The following TGFBR3 variants were observed in gnomAD, a reference collection of about 807,000 sequenced individuals.
TGFBR3 encodes the protein transforming growth factor beta receptor 3.
Under a neutral mutation model 87.9 loss-of-function variants are expected in TGFBR3, and 46 were observed. The observed-to-expected ratio is 0.52, with a 90% CI of 0.41 to 0.67. The LOEUF (loss-of-function observed/expected upper bound fraction) is 0.67. TGFBR3 is among the 30% of genes least tolerant of loss of function. The pLI, the probability that TGFBR3 is intolerant of heterozygous loss-of-function variation, is 0.00. For synonymous variants in TGFBR3, 381 were observed against 391.6 expected (o/e 0.97, Z 0.32); for missense variants, 866 against 1,041.9 (o/e 0.83, Z 2.32).
chr1:91,870,488 C>T (rs1678542544), intron 1 of TGFBR3, among the ~76,000 whole-genome samples: 1 of 152,216 alleles, frequency 6.6e-6, no homozygotes, highest in Non-Finnish European at 1.5e-5. Context: ...CCACATGCTG[C>T]TTTGTAATTA....
upstream of TGFBR3, among the ~76,000 whole-genome samples, chr1:91,886,451 G>A (rs921866584): frequency 5.3e-5 from 8 of 152,232 alleles, no homozygotes; most frequent in Non-Finnish European, 1.0e-4. Context: ...CAGCGTGCCC[G>A]GGTTGGGGCG....
chr1:91,815,900 G>GGA (rs1427041536), intron 2 of TGFBR3, among the ~76,000 whole-genome samples: 4 of 152,194 alleles, frequency 2.6e-5, no homozygotes, highest in African/African-American at 9.7e-5. Context: ...ACAGAGGAGT[G>GGA]GAGAAGCCTC....
At chr1:91,808,488 C>T (rs1266947828) in intron 2 of TGFBR3, among the ~76,000 whole-genome samples, 1 of 152,148 alleles carries the variant, frequency 6.6e-6, no homozygotes, top group Non-Finnish European at 1.5e-5. Flanking sequence ...TTTTTGGAGA[C>T]ACAGTCTCAC....
chr1:91,899,829 T>C (rs1679652538), intron 1 of TGFBR3: 1 of 152,150 alleles, frequency 6.6e-6, no homozygotes, highest in Non-Finnish European at 1.5e-5. Flanking sequence ...TGGGCACTTG[T>C]AGTCACAGCT....
At chr1:91,890,238 C>G (rs954654895), upstream of TGFBR3, among the ~76,000 whole-genome samples, 2 of 151,960 alleles carry the variant, frequency 1.3e-5, no homozygotes, top group Non-Finnish European at 2.9e-5. Flanking sequence ...ATACAAGGAA[C>G]CACCCCTCCT....
intron 2 of TGFBR3, among the ~76,000 whole-genome samples, chr1:91,898,458 A>G (rs1396120580): frequency 6.6e-6 from 1 of 151,470 alleles, no homozygotes; most frequent in South Asian, 2.1e-4. Flanking sequence ...TTTTTTTGAG[A>G]TGGAGTCTCG....
chr1:91,831,109 C>T (rs566725919), intron 2 of TGFBR3, among the ~76,000 whole-genome samples: 1 of 152,334 alleles, frequency 6.6e-6, no homozygotes, highest in East Asian at 1.9e-4. Context: ...GGGGCACAAC[C>T]TGCACCATGC....
chr1:91,779,479 G>A (rs1674689211), intron 3 of TGFBR3, among the ~76,000 whole-genome samples: 1 of 152,202 alleles, frequency 6.6e-6, no homozygotes, highest in African/African-American at 2.4e-5. Flanking sequence ...CTCCTAAGAG[G>A]GATGGGCCAG....
chr1:91,852,401 C>T (rs116632421), intron 2 of TGFBR3, among the ~76,000 whole-genome samples: 350 of 152,284 alleles, frequency 2.3e-3, no homozygotes, highest in African/African-American at 8.0e-3. Context: ...TGTGTGTGTG[C>T]GCATGCATGT....
In TGFBR3 at chr1:91,708,178, G is replaced by C. The variant is rs374862641; in HGVS notation, c.2287+485C>G. The stretch of plus-strand genomic sequence containing the variant: ...GAAAACTGAATTTTAAGATGCATTT[G>C]GGCAGTGGTTCTCATCTGTTACACC... On this transcript the variant is annotated intron_variant, in intron 14 of 16. Transcript: ENST00000212355. Among the ~76,000 whole-genome samples the C allele has an allele frequency of 2.6e-4, 39 of 152,294 alleles. 1 individual carries two copies. Among genetic ancestry groups the C allele is most frequent in the African/African-American group, 8.9e-4 (37 of 41,554 alleles).
chr1:91,873,052 C>G (rs772669708), intron 1 of TGFBR3, among the ~76,000 whole-genome samples: 2 of 152,052 alleles, frequency 1.3e-5, no homozygotes, highest in African/African-American at 4.8e-5. Flanking sequence ...CAGCCTCGAA[C>G]TCCTTGGCTC....
chr1:91,772,163 G>C (rs1278620664), intron 3 of TGFBR3, among the ~76,000 whole-genome samples: 1 of 152,212 alleles, frequency 6.6e-6, no homozygotes, highest in African/African-American at 2.4e-5. Context: ...TTGCTTTTCA[G>C]AGACATAGAC....
At chr1:91,894,169 T>C (rs886860223) in intron 2 of TGFBR3, among the ~76,000 whole-genome samples, 5 of 152,286 alleles carry the variant, frequency 3.3e-5, no homozygotes, top group African/African-American at 9.6e-5. Flanking sequence ...ATTTTATCTA[T>C]GCGTCTTCTC....
rs1464000091 is a variant in TGFBR3, at chr1:91,683,475, G to A, written c.*264C>T. On this transcript the variant is annotated 3_prime_UTR_variant, in exon 17 of 17. Transcript: ENST00000212355. ...ACATTGAAAACCCCCAAGCCTGTGA[G>A]GGGCTGGTGGAGAAGACCACCATTT... The A allele has an allele frequency of 1.5e-6, 1 of 666,004 alleles. No individual in the cohort carries two copies. The highest frequency in any genetic ancestry group is 1.8e-5 in the African/African-American group (1 of 56,684). The allele number at this position is 666,004 out of a possible 1,614,324, so 41.3% of individuals were successfully genotyped here. A position where few individuals can be genotyped will look rare whatever the true frequency, so the allele number is the denominator to read the frequency against.
intron 4 of TGFBR3, among the ~76,000 whole-genome samples, chr1:91,737,407 C>T (rs539681775): frequency 6.6e-6 from 1 of 152,260 alleles, no homozygotes; most frequent in East Asian, 1.9e-4. Context: ...AGGCAGGCTA[C>T]GGTGACCTCT....
At chr1:91,749,620 T>A (rs1347867694) in intron 4 of TGFBR3, among the ~76,000 whole-genome samples, 1 of 152,118 alleles carries the variant, frequency 6.6e-6, no homozygotes, top group Non-Finnish European at 1.5e-5. Context: ...CAACAACCTG[T>A]GTCCAGGAAG....
intron 4 of TGFBR3, among the ~76,000 whole-genome samples, chr1:91,747,506 T>C (rs899835204): frequency 2.6e-5 from 4 of 152,138 alleles, no homozygotes; most frequent in African/African-American, 4.8e-5. Context: ...CAGACAGAAA[T>C]AGAAATGAAA....
At chr1:91,763,453 C>G (rs912519588) in intron 3 of TGFBR3, among the ~76,000 whole-genome samples, 3 of 152,172 alleles carry the variant, frequency 2.0e-5, no homozygotes, top group African/African-American at 7.2e-5. Flanking sequence ...TAAAACCAGA[C>G]CAAATAATTC....
intron 4 of TGFBR3, among the ~76,000 whole-genome samples, chr1:91,738,658 G>A (rs1673046534): frequency 6.6e-6 from 1 of 152,218 alleles, no homozygotes; most frequent in Admixed American, 6.5e-5. Flanking sequence ...AGAACCATGA[G>A]CCAATTAAAC....
Sources: allele counts gnomAD v4.1 joint callset (sites outside exome capture counted in the v4.1 genomes callset), GRCh38; gene constraint gnomAD v4.1.1; transcripts MANE v1.5; gene names NCBI Gene and HGNC (gene_info 2026-07-23, HGNC 2026-07-21).